Variants in KHDRBS2 observed in about 807,000 individuals in gnomAD.
The protein encoded by KHDRBS2 is KH RNA binding domain containing, signal transduction associated 2, also known as KH domain-containing, RNA-binding, signal transduction-associated protein 2.
In KHDRBS2, 26 loss-of-function variants were observed where a neutral mutation model predicts 44.3. The ratio of observed to expected loss-of-function variants is 0.59; its 90% CI spans 0.43 to 0.81. The LOEUF (loss-of-function observed/expected upper bound fraction) is 0.81, where lower values mean the gene tolerates loss of function less well. Ranked by LOEUF, KHDRBS2 falls within the 40% of genes least tolerant of loss-of-function variation. The pLI, the probability that KHDRBS2 is intolerant of heterozygous loss-of-function variation, is 0.00. For missense variants in KHDRBS2, 476 were observed against 433.1 expected, an observed-to-expected ratio of 1.10 and a Z score of -0.88; for synonymous variants, 194 against 151.1, an observed-to-expected ratio of 1.28 and a Z score of -2.08.
chr6:62,142,456 T>G (rs2150099154), intron 2 of KHDRBS2, among the ~76,000 whole-genome samples: 1 of 152,204 alleles, frequency 6.6e-6, no homozygotes, highest in South Asian at 2.1e-4. Context: ...ATAACATGAT[T>G]AGCTCTTCTA....
intron 2 of KHDRBS2, among the ~76,000 whole-genome samples, chr6:62,171,809 T>C (rs773741500): frequency 1.3e-5 from 2 of 152,112 alleles, no homozygotes; most frequent in Non-Finnish European, 2.9e-5. Context: ...CAACCAATAA[T>C]TTCATTTCCT....
chr6:61,955,488 ATG>A (rs1283193289), intron 4 of KHDRBS2, among the ~76,000 whole-genome samples: 1 of 78,906 alleles, frequency 1.3e-5, no homozygotes, highest in African/African-American at 4.5e-5. Flanking sequence ...ATATGTATGT[ATG>A]TATACATGTG....
chr6:61,619,153 G>T, the KHDRBS2 span, among the ~76,000 whole-genome samples: 1 of 152,064 alleles, frequency 6.6e-6, no homozygotes, highest in Non-Finnish European at 1.5e-5. Flanking sequence ...GGATACAAGT[G>T]GTTTTTGTTA....
intron 6 of KHDRBS2, among the ~76,000 whole-genome samples, chr6:61,860,380 C>T (rs1332717309): frequency 6.7e-6 from 1 of 150,018 alleles, no homozygotes; most frequent in Non-Finnish European, 1.5e-5. Flanking sequence ...CCACCCTCTG[C>T]CCCCCGATAG....
chr6:61,565,442 T>C, the KHDRBS2 span, among the ~76,000 whole-genome samples: 26 of 152,190 alleles, frequency 1.7e-4, no homozygotes, highest in African/African-American at 5.1e-4. Context: ...AACCAGGATA[T>C]AAAAGCAACT....
chr6:61,708,811 C>T (rs764633716), intron 7 of KHDRBS2, among the ~76,000 whole-genome samples: 3 of 151,584 alleles, frequency 2.0e-5, no homozygotes, highest in Non-Finnish European at 4.4e-5. Flanking sequence ...CCACTCACAG[C>T]CAACTTATTG....
chr6:61,773,489 GT>G (rs2127577822), intron 6 of KHDRBS2, among the ~76,000 whole-genome samples: 1 of 152,000 alleles, frequency 6.6e-6, no homozygotes, highest in Non-Finnish European at 1.5e-5. Flanking sequence ...TGATGGGGTT[GT>G]TTGTTTTTTT....
intron 6 of KHDRBS2, among the ~76,000 whole-genome samples, chr6:61,832,597 A>G (rs1022915338): frequency 1.6e-4 from 24 of 152,182 alleles, no homozygotes; most frequent in Non-Finnish European, 3.1e-4. Flanking sequence ...GAAAAAAAAA[A>G]ACTATCTGTA....
intron 6 of KHDRBS2, among the ~76,000 whole-genome samples, chr6:61,753,978 G>A (rs1042692691): frequency 1.9e-4 from 29 of 152,044 alleles, no homozygotes; most frequent in African/African-American, 6.3e-4. Flanking sequence ...CCACAGCCAA[G>A]AAATGCTGAC....
chr6:61,972,735 G>A lies in KHDRBS2; in HGVS notation c.483+5331C>T, dbSNP rs140761949. ...TATAAATGTTGAACTCCTGCCGTCA[G>A]CCAGTCAAAATGTATCTGCCATCTC... On this transcript the variant is annotated intron_variant, in intron 4 of 8. Coordinates refer to ENST00000281156, the MANE Select transcript of KHDRBS2 (RefSeq NM_152688.4). Among the ~76,000 whole-genome samples, 1,388 of 152,274 alleles carry A rather than the reference G, an allele frequency of 9.1e-3. 26 individuals carry two copies. Among genetic ancestry groups the A allele is most frequent in the African/African-American group, 0.031 (1,305 of 41,566 alleles).
At chr6:62,034,681 T>G (rs1408720695) in intron 3 of KHDRBS2, among the ~76,000 whole-genome samples, 1 of 123,912 alleles carries the variant, frequency 8.1e-6, no homozygotes, top group Non-Finnish European at 1.6e-5. Flanking sequence ...ATGGCTAGTA[T>G]CATTCTGAAC....
chr6:61,934,518 C>T (rs1159731981), intron 4 of KHDRBS2, among the ~76,000 whole-genome samples: 3 of 152,142 alleles, frequency 2.0e-5, no homozygotes, highest in Non-Finnish European at 2.9e-5. Context: ...CAATAAATAA[C>T]ATCTATTCAA....
At chr6:62,235,822 T>C (rs530586849) in intron 1 of KHDRBS2, among the ~76,000 whole-genome samples, 1 of 152,166 alleles carries the variant, frequency 6.6e-6, no homozygotes, top group South Asian at 2.1e-4. Flanking sequence ...TTCTAAAACA[T>C]AAAGACCATG....
At chr6:61,927,609 G>T (rs1165392147) in intron 4 of KHDRBS2, among the ~76,000 whole-genome samples, 1 of 152,020 alleles carries the variant, frequency 6.6e-6, no homozygotes. Flanking sequence ...CTAAAGTAAA[G>T]AACTGATTGC....
intron 4 of KHDRBS2, among the ~76,000 whole-genome samples, chr6:61,916,119 T>C (rs1415217073): frequency 6.6e-6 from 1 of 152,084 alleles, no homozygotes; most frequent in Non-Finnish European, 1.5e-5. Flanking sequence ...TCCTGATGCC[T>C]GCAAATCAGC....
chr6:62,191,478 C>T (rs1359647983), intron 1 of KHDRBS2, among the ~76,000 whole-genome samples: 1 of 152,100 alleles, frequency 6.6e-6, no homozygotes, highest in Non-Finnish European at 1.5e-5. Context: ...CTAAATGCAA[C>T]ACTTTTGTCA....
chr6:61,901,869 T>C, intron 4 of KHDRBS2, among the ~76,000 whole-genome samples: 1 of 152,230 alleles, frequency 6.6e-6, no homozygotes, highest in Non-Finnish European at 1.5e-5. Context: ...AGAAGTATGA[T>C]AGTATGTCCC....
intron 7 of KHDRBS2, among the ~76,000 whole-genome samples, chr6:61,729,662 G>A (rs1328571655): frequency 6.6e-6 from 1 of 151,974 alleles, no homozygotes; most frequent in African/African-American, 2.4e-5. Flanking sequence ...GTATCTAATT[G>A]TGGTTTTAAT....
chr6:61,554,176 G>C, the KHDRBS2 span, among the ~76,000 whole-genome samples: 2 of 152,122 alleles, frequency 1.3e-5, no homozygotes, highest in Non-Finnish European at 2.9e-5. Context: ...ATGAATCTGG[G>C]TGCTCCTGTG....
Sources: gnomAD v4.1 joint callset for allele counts (sites outside exome capture counted in the v4.1 genomes callset) on GRCh38, gnomAD v4.1.1 for gene constraint, MANE v1.5 for transcripts, NCBI Gene and HGNC (gene_info 2026-07-23, HGNC 2026-07-21) for gene names.